The following NEXMIF variants were observed in gnomAD, a reference collection of about 807,000 sequenced individuals.
NEXMIF encodes the protein neurite extension and migration factor, also known as XLMR protein related to neurite extension.
A neutral mutation model predicts 62.1 loss-of-function variants in NEXMIF; 8 were observed. That is an observed-to-expected ratio of 0.13 (90% confidence interval 0.08 to 0.23). The LOEUF (loss-of-function observed/expected upper bound fraction) is 0.23, where lower values mean the gene tolerates loss of function less well. NEXMIF is among the 10% of genes least tolerant of loss of function. The pLI, the probability that NEXMIF is intolerant of heterozygous loss-of-function variation, is 1.00. For synonymous variants in NEXMIF, 404 were observed against 416.6 expected, an observed-to-expected ratio of 0.97 and a Z score of 0.37; for missense variants, 976 against 1,113.3, an observed-to-expected ratio of 0.88 and a Z score of 1.75.
chrX:74,761,822 A>T (rs1394184625), intron 1 of NEXMIF, among the ~76,000 whole-genome samples: 1 of 110,297 alleles, frequency 9.1e-6, no homozygotes, highest in African/African-American at 3.3e-5. Flanking sequence ...GTCTAATTTG[A>T]GATATTTCTA....
chrX:74,826,356 G>A (rs1025453329), intron 1 of NEXMIF, among the ~76,000 whole-genome samples: 4 of 111,741 alleles, frequency 3.6e-5, no homozygotes, highest in Non-Finnish European at 5.6e-5. Context: ...ACTTTTTAAT[G>A]GGGTTGTTTG....
intron 1 of NEXMIF, among the ~76,000 whole-genome samples, chrX:74,848,938 G>A (rs1022829593): frequency 3.6e-5 from 4 of 111,997 alleles, no homozygotes; most frequent in Admixed American, 9.4e-5. Context: ...ACCAGACACC[G>A]AATCTACTGA....
chrX:74,881,423 CAG>C lies in NEXMIF; in HGVS notation c.-48+43458_-48+43459del, dbSNP rs59279677. 0.017 allele frequency among the ~76,000 whole-genome samples: 1,572 copies of C among 90,682 alleles called. 20 individuals are homozygous for C. In the East Asian group the frequency reaches 0.3, roughly 17 times the overall value. 78.7% of individuals were successfully genotyped at this position (90,682 alleles called of 115,157 possible). On this transcript the variant is annotated intron_variant, in intron 1 of 3. Transcript: ENST00000055682. ...ACACACACACACACACACACACACA[CAG>C]AGCAAATACAGGGGAAAAAGGCAGA...
At chrX:74,824,042 C>T (rs1273061282) in intron 1 of NEXMIF, among the ~76,000 whole-genome samples, 1 of 111,054 alleles carries the variant, frequency 9.0e-6, no homozygotes, top group African/African-American at 3.3e-5. Context: ...TCCAGTTGGT[C>T]CTCATACCAT....
At chrX:74,874,959 T>C (rs1294218032) in intron 1 of NEXMIF, among the ~76,000 whole-genome samples, 18 of 110,855 alleles carry the variant, frequency 1.6e-4, no homozygotes, top group Non-Finnish European at 3.2e-4. Flanking sequence ...TTTGACTTCC[T>C]CTTTTCCTAA....
intron 1 of NEXMIF, among the ~76,000 whole-genome samples, chrX:74,795,535 G>A (rs1454230174): frequency 8.9e-6 from 1 of 111,733 alleles, no homozygotes; most frequent in South Asian, 3.8e-4. Flanking sequence ...ATTAGGGGTG[G>A]GGGAACTGGT....
chrX:74,870,034 A>G (rs1302091359), intron 1 of NEXMIF, among the ~76,000 whole-genome samples: 1 of 111,540 alleles, frequency 9.0e-6, no homozygotes, highest in African/African-American at 3.3e-5. Context: ...AAAAAGAACA[A>G]ATCTGAAGGA....
At chrX:74,856,672 C>T (rs746784854) in intron 1 of NEXMIF, among the ~76,000 whole-genome samples, 5 of 111,340 alleles carry the variant, frequency 4.5e-5, no homozygotes, top group Non-Finnish European at 7.5e-5. Flanking sequence ...ACTATCTACA[C>T]ACAAAAAAGC....
intron 1 of NEXMIF, among the ~76,000 whole-genome samples, chrX:74,818,422 G>A (rs1478035566): frequency 1.8e-5 from 2 of 112,042 alleles, no homozygotes; most frequent in African/African-American, 6.5e-5. Flanking sequence ...CTAGCCATGT[G>A]CAGAAGATTA....
chrX:74,793,043 G>A (rs1300021705), intron 1 of NEXMIF, among the ~76,000 whole-genome samples: 4 of 107,760 alleles, frequency 3.7e-5, no homozygotes, highest in African/African-American at 1.0e-4. Context: ...TATTTTGCTC[G>A]TTAGTTGATG....
chrX:74,860,041 G>A (rs1000441663), intron 1 of NEXMIF, among the ~76,000 whole-genome samples: 1 of 111,260 alleles, frequency 9.0e-6, no homozygotes, highest in Non-Finnish European at 1.9e-5. Context: ...CCTACTTATT[G>A]ATAATAACAT....
At chrX:74,919,006 G>A (rs1394541832) in intron 1 of NEXMIF, among the ~76,000 whole-genome samples, 2 of 112,479 alleles carry the variant, frequency 1.8e-5, no homozygotes, top group Non-Finnish European at 3.8e-5. Context: ...AAAGTTGCCT[G>A]TGCACTTCTC....
Position 74,770,596 on chromosome X carries a change from A to G in NEXMIF, c.-47-24899T>C, listed in dbSNP as rs986912606. Among the ~76,000 whole-genome samples, 3 of 112,192 alleles carry G rather than the reference A, an allele frequency of 2.7e-5. No homozygotes were observed. The Admixed American group carries it at 2.8e-4, about 11-fold the overall frequency. ...CAAAGTCAGTATTGCATGATGTGCA[A>G]CCATACTAGTACTTTTTAACCCTTT... On this transcript the variant is annotated intron_variant, in intron 1 of 3. Transcript: ENST00000055682.
chrX:74,753,502 C>T (rs762785870), intron 1 of NEXMIF, among the ~76,000 whole-genome samples: 4 of 111,365 alleles, frequency 3.6e-5, no homozygotes, highest in Non-Finnish European at 7.5e-5. Flanking sequence ...CAGAGGGCTA[C>T]TAACTTTTTG....
intron 1 of NEXMIF, among the ~76,000 whole-genome samples, chrX:74,780,711 T>C (rs2080244108): frequency 1.8e-5 from 2 of 111,988 alleles, no homozygotes; most frequent in Non-Finnish European, 3.8e-5. Context: ...TTATAGGCTA[T>C]AAAATATTTC....
chrX:74,873,899 G>C (rs1239586268), intron 1 of NEXMIF, among the ~76,000 whole-genome samples: 442 of 111,001 alleles, frequency 4.0e-3, no homozygotes, highest in Non-Finnish European at 5.8e-3. Context: ...TTAGCCCTTT[G>C]TCAGATGAGT....
At chrX:74,798,241 A>G (rs1185375325) in intron 1 of NEXMIF, among the ~76,000 whole-genome samples, 1 of 111,634 alleles carries the variant, frequency 9.0e-6, no homozygotes, top group African/African-American at 3.3e-5. Context: ...CAAAAACACC[A>G]AAAACCAAAC....
chrX:74,813,735 T>C (rs2080367590), intron 1 of NEXMIF, among the ~76,000 whole-genome samples: 1 of 112,246 alleles, frequency 8.9e-6, no homozygotes, highest in South Asian at 3.7e-4. Context: ...CAATGATGTA[T>C]TACCAGTATC....
chrX:74,736,090 C>T lies in NEXMIF; in HGVS notation c.*3315G>A, dbSNP rs555363631. ...CTATTGGGTACAATGTACACTATTT[C>T]GGTGATGGGTACACTAAAAGCCCAG... is the stretch of plus-strand genomic sequence containing the variant. On this transcript the variant is annotated 3_prime_UTR_variant, in exon 4 of 4. Coordinates refer to ENST00000055682, the MANE Select transcript of NEXMIF (RefSeq NM_001008537.3). The T allele has an allele frequency of 2.4e-4, 27 of 111,080 alleles. No individual in the cohort carries two copies. In the South Asian group the frequency reaches 8.9e-3, roughly 37 times the overall value. The allele number at this position is 111,080 out of a possible 1,213,427, so 9.2% of individuals were successfully genotyped here.
Sources: allele counts gnomAD v4.1 joint callset (sites outside exome capture counted in the v4.1 genomes callset), GRCh38; gene constraint gnomAD v4.1.1; transcripts MANE v1.5; gene names NCBI Gene and HGNC (gene_info 2026-07-23, HGNC 2026-07-21).